UNC5D: variants seen among roughly 807,000 people sequenced by gnomAD.
The protein encoded by UNC5D is netrin receptor UNC5D.
Under a neutral mutation model 105.4 loss-of-function variants are expected in UNC5D, and 39 were observed. The ratio of observed to expected loss-of-function variants is 0.37; its 90% CI spans 0.29 to 0.48. The LOEUF (loss-of-function observed/expected upper bound fraction) is 0.48. Among genes scored for constraint, UNC5D ranks in the 20% least tolerant of loss-of-function variants. The pLI, the probability that UNC5D is intolerant of heterozygous loss-of-function variation, is 0.98. For synonymous variants in UNC5D, 452 were observed against 450.4 expected, an observed-to-expected ratio of 1.00 and a Z score of -0.04; for missense variants, 991 against 1,202.4, an observed-to-expected ratio of 0.82 and a Z score of 2.60.
At chr8:35,376,602 G>A (rs1483722673) in intron 1 of UNC5D, among the ~76,000 whole-genome samples, 1 of 152,152 alleles carries the variant, frequency 6.6e-6, no homozygotes, top group Non-Finnish European at 1.5e-5. Context: ...GAGAGTTGAT[G>A]AAAATTTGTG....
intron 1 of UNC5D, among the ~76,000 whole-genome samples, chr8:35,496,239 A>G (rs1478887203): frequency 1.3e-5 from 2 of 152,184 alleles, no homozygotes; most frequent in Non-Finnish European, 2.9e-5. Context: ...ATCTGTGAGT[A>G]GGGGATGGAG....
intron 1 of UNC5D, among the ~76,000 whole-genome samples, chr8:35,295,980 T>G (rs1408781493): frequency 1.3e-5 from 2 of 152,198 alleles, no homozygotes. Context: ...CAGGTTCATC[T>G]ATGTTGTCAC....
chr8:35,505,245 T>G (rs572734010), intron 1 of UNC5D, among the ~76,000 whole-genome samples: 1 of 152,344 alleles, frequency 6.6e-6, no homozygotes, highest in East Asian at 1.9e-4. Context: ...TTTATAATTT[T>G]GGGATAAATG....
chr8:35,682,785 G>A (rs1166226377), intron 4 of UNC5D, among the ~76,000 whole-genome samples: 1 of 152,138 alleles, frequency 6.6e-6, no homozygotes, highest in East Asian at 1.9e-4. Context: ...ATAAAACTGG[G>A]AAGAAGAAAA....
At chr8:35,724,275 T>C (rs766727392) in intron 9 of UNC5D, 31 of 1,534,956 alleles carry the variant, frequency 2.0e-5, no homozygotes, top group Non-Finnish European at 2.4e-5. Context: ...GAACTAATGA[T>C]ACAAGAAAAA....
intron 1 of UNC5D, among the ~76,000 whole-genome samples, chr8:35,333,474 T>C (rs1585606978): frequency 6.6e-6 from 1 of 152,272 alleles, no homozygotes; most frequent in East Asian, 1.9e-4. Flanking sequence ...TCCTTAGGTT[T>C]CTCGGAAGTA....
chr8:35,773,690 C>CT (rs1047046600), intron 15 of UNC5D, among the ~76,000 whole-genome samples: 3 of 151,302 alleles, frequency 2.0e-5, no homozygotes, highest in Admixed American at 6.6e-5. Context: ...GAAAAAGAGT[C>CT]TAATTCTGCT....
At chr8:35,325,926 A>G (rs1810120327) in intron 1 of UNC5D, among the ~76,000 whole-genome samples, 1 of 152,176 alleles carries the variant, frequency 6.6e-6, no homozygotes, top group Non-Finnish European at 1.5e-5. Flanking sequence ...ATTATGCACA[A>G]GTTTACACAG....
intron 1 of UNC5D, among the ~76,000 whole-genome samples, chr8:35,507,946 A>C (rs1812445965): frequency 6.6e-6 from 1 of 152,192 alleles, no homozygotes; most frequent in African/African-American, 2.4e-5. Context: ...GAAAAAAAGC[A>C]TACCAAGAAA....
rs373450333 is a variant in UNC5D, at chr8:35,394,695, C to T, written c.104-154597C>T. On this transcript the variant is annotated intron_variant, in intron 1 of 16. Transcript: ENST00000404895. ...TGAAAGCAAAAACTACAATGAGATA[C>T]GACCAAAAAGGGAGGAACCGAATTC... Among the ~76,000 whole-genome samples, 57 of 151,876 alleles carry T rather than the reference C, an allele frequency of 3.8e-4. 1 individual carries two copies. The Middle Eastern group carries it at 0.01, about 27-fold the overall frequency.
intron 1 of UNC5D, among the ~76,000 whole-genome samples, chr8:35,263,455 G>A (rs763941399): frequency 4.6e-5 from 7 of 151,998 alleles, no homozygotes; most frequent in Non-Finnish European, 7.4e-5. Flanking sequence ...CCAGGCTGGA[G>A]TGCAGTCCAG....
chr8:35,386,520 G>A (rs1803408568), intron 1 of UNC5D, among the ~76,000 whole-genome samples: 1 of 152,142 alleles, frequency 6.6e-6, no homozygotes, highest in South Asian at 2.1e-4. Flanking sequence ...CTAAAAGCCT[G>A]AGGAGGGAAA....
chr8:35,349,346 T>A (rs1253672299), intron 1 of UNC5D, among the ~76,000 whole-genome samples: 2 of 152,032 alleles, frequency 1.3e-5, no homozygotes, highest in Non-Finnish European at 2.9e-5. Flanking sequence ...CTTCAAACAA[T>A]GATCAATTAG....
At position 35,646,535 on chromosome 8, in the gene UNC5D, T is replaced by C. The variant is rs549811890; in HGVS notation, c.571-37012T>C. Among the ~76,000 whole-genome samples the C allele has an allele frequency of 3.3e-5, 5 of 152,246 alleles. No individual in the cohort carries two copies. The East Asian group carries it at 9.7e-4, about 29-fold the overall frequency. On this transcript the variant is annotated intron_variant, in intron 4 of 16. Transcript: ENST00000404895. ...GGAAACATGGGCTCCTGTGTCATGT[T>C]TGATATTTGTCTGTAATGCTCTAGG...
chr8:35,338,402 GGT>G (rs776392271), intron 1 of UNC5D, among the ~76,000 whole-genome samples: 1 of 151,616 alleles, frequency 6.6e-6, no homozygotes, highest in African/African-American at 2.4e-5. Context: ...GTTTTTCTGG[GGT>G]GTGTGTGTGT....
intron 1 of UNC5D, among the ~76,000 whole-genome samples, chr8:35,446,509 C>T (rs953229405): frequency 6.6e-6 from 1 of 151,386 alleles, no homozygotes; most frequent in Non-Finnish European, 1.5e-5. Flanking sequence ...AAGTAATTAC[C>T]CAAGTGTAAT....
At chr8:35,597,045 G>GA (rs1317086200) in intron 4 of UNC5D, among the ~76,000 whole-genome samples, 4 of 152,104 alleles carry the variant, frequency 2.6e-5, no homozygotes, top group South Asian at 4.1e-4. Flanking sequence ...CAAAGAAAAA[G>GA]AAAAAACCAG....
chr8:35,332,752 C>G (rs187677278), intron 1 of UNC5D, among the ~76,000 whole-genome samples: 1 of 152,082 alleles, frequency 6.6e-6, no homozygotes, highest in Non-Finnish European at 1.5e-5. Flanking sequence ...AAATGCGTGC[C>G]GGTCCCCACT....
At chr8:35,490,050 A>G (rs909957590) in intron 1 of UNC5D, among the ~76,000 whole-genome samples, 1 of 152,250 alleles carries the variant, frequency 6.6e-6, no homozygotes, top group Non-Finnish European at 1.5e-5. Context: ...ATCCAGAGGA[A>G]AGGATACATT....
Sources: gnomAD v4.1 joint callset for allele counts (sites outside exome capture counted in the v4.1 genomes callset) on GRCh38, gnomAD v4.1.1 for gene constraint, MANE v1.5 for transcripts, NCBI Gene and HGNC (gene_info 2026-07-23, HGNC 2026-07-21) for gene names.